Variants in CFAP44 observed in about 807,000 individuals in gnomAD.
CFAP44 encodes cilia and flagella associated protein 44.
In CFAP44, 134 loss-of-function variants were observed where a neutral mutation model predicts 216.2. The ratio of observed to expected loss-of-function variants is 0.62; its 90% CI spans 0.54 to 0.72. The LOEUF (loss-of-function observed/expected upper bound fraction) is 0.72, where lower values mean the gene tolerates loss of function less well. CFAP44 is among the 30% of genes least tolerant of loss of function. The pLI, the probability that CFAP44 is intolerant of heterozygous loss-of-function variation, is 0.00. For synonymous variants in CFAP44, 700 were observed against 727.6 expected (o/e 0.96, Z 0.61); for missense variants, 2,035 against 2,182.1 (o/e 0.93, Z 1.34).
chr3:113,333,327 G>T, intron 25 of CFAP44, 79 bp downstream of exon 25: 2 of 1,215,398 alleles, frequency 1.6e-6, no homozygotes, highest in Non-Finnish European at 2.3e-6. Flanking sequence ...GACCAGATAG[G>T]GAAATGAGTG....
At chr3:113,363,619 A>G in intron 19 of CFAP44, 87 bp from the exon 20 acceptor site, 1 of 1,223,866 alleles carries the variant, frequency 8.2e-7, no homozygotes, top group Non-Finnish European at 1.1e-6. Flanking sequence ...TTAAAAACTC[A>G]AATTGGTTCG....
chr3:113,436,637 A>G (rs1408793126), intron 1 of CFAP44, among the ~76,000 whole-genome samples: 1 of 152,232 alleles, frequency 6.6e-6, no homozygotes, highest in African/African-American at 2.4e-5. Flanking sequence ...TTTGATAAAA[A>G]TCAACATTTA....
chr3:113,427,413 C>A, intron 2 of CFAP44, 74 bp from the exon 3 acceptor site: 1 of 1,184,040 alleles, frequency 8.4e-7, no homozygotes, highest in Non-Finnish European at 1.2e-6. Flanking sequence ...CTAAAACTTC[C>A]AATTTCCTTG....
intron 31 of CFAP44, 99 bp downstream of exon 31, chr3:113,304,937 A>T: frequency 9.5e-7 from 1 of 1,051,184 alleles, no homozygotes; most frequent in South Asian, 1.6e-5. Context: ...ACAAAGAACC[A>T]CGATTCTCCC....
rs747176442 is a variant in CFAP44 at position 113,430,418 on chromosome 3, GAAAAATAAATGA to G, written c.101-3091_101-3080del. ...CCTAAAGTTCCACCTCAAGAAGCTG[GAAAAATAAATGA>G]AAAAAAAAAAAAAAACAAAGTAAAT... On this transcript the variant is annotated intron_variant, in intron 2 of 34. Coordinates refer to ENST00000393845, the MANE Select transcript of CFAP44 (RefSeq NM_001164496.2). Among the ~76,000 whole-genome samples, 22 of 42,160 alleles carry G rather than the reference GAAAAATAAATGA, an allele frequency of 5.2e-4. 1 individual carries two copies. Among genetic ancestry groups the G allele is most frequent in the East Asian group, 1.8e-3 (1 of 568 alleles). The allele number at this position is 42,160 out of a possible 152,430, so 27.7% of individuals were successfully genotyped here.
At chr3:113,429,299 T>C (rs1935041735) in intron 2 of CFAP44, among the ~76,000 whole-genome samples, 1 of 152,186 alleles carries the variant, frequency 6.6e-6, no homozygotes, top group Non-Finnish European at 1.5e-5. Flanking sequence ...TGTTACTAGG[T>C]GAATACACAT....
intron 15 of CFAP44, among the ~76,000 whole-genome samples, chr3:113,392,362 T>C (rs1281069401): frequency 6.9e-6 from 1 of 145,370 alleles, no homozygotes; most frequent in Non-Finnish European, 1.5e-5. Flanking sequence ...ACTGAACTCA[T>C]AGAGATGGCG....
intron 24 of CFAP44, 142 bp downstream of exon 24, chr3:113,341,602 A>T: frequency 5.9e-6 from 6 of 1,009,276 alleles, no homozygotes; most frequent in Non-Finnish European, 8.0e-6. Flanking sequence ...TGACCTGTTT[A>T]TAATATCTCC....
At chr3:113,296,221 A>G (rs1038409112) in intron 33 of CFAP44, among the ~76,000 whole-genome samples, 1 of 152,186 alleles carries the variant, frequency 6.6e-6, no homozygotes, top group Non-Finnish European at 1.5e-5. Flanking sequence ...TGCAAAGGAC[A>G]TGATATCATT....
intron 32 of CFAP44, among the ~76,000 whole-genome samples, chr3:113,302,772 CAAAAA>C (rs57355375): frequency 2.2e-5 from 1 of 44,514 alleles, no homozygotes; most frequent in Admixed American, 2.4e-4. Context: ...GACTCCATCT[CAAAAA>C]AAAAAAAAAA....
In CFAP44 at chr3:113,401,224, A is replaced by G. The variant is rs137871732; in HGVS notation, c.1374+16T>C. ...CTATGAAAGTTAGGAGAAAATAAGA[A>G]TAATAGGCAACTTACAATATTTGAA... On this transcript the variant is annotated intron_variant, in intron 11 of 34. Transcript: ENST00000393845. 17 of 1,577,274 alleles carry G rather than the reference A, an allele frequency of 1.1e-5. No individual in the cohort carries two copies. The highest frequency in any genetic ancestry group is 1.5e-5 in the Non-Finnish European group (17 of 1,166,438).
At position 113,427,147 on chromosome 3, in the gene CFAP44, A is replaced by C. The variant is rs753679774; in HGVS notation, c.253+40T>G. The C allele has an allele frequency of 9.4e-6, 15 of 1,591,062 alleles. No homozygotes were observed. In the African/African-American group the frequency reaches 1.5e-4, roughly 16 times the overall value. On this transcript the variant is annotated intron_variant, in intron 3 of 34. Transcript: ENST00000393845. The stretch of plus-strand genomic sequence containing the variant: ...TCCATTTGTCTGGGCTTTGTCTCTA[A>C]AACAGTGACAATTACTGACAGAAAA...
At chr3:113,333,247 A>T (rs994764113) in intron 25 of CFAP44, among the ~76,000 whole-genome samples, 159 bp downstream of exon 25, 4 of 152,134 alleles carry the variant, frequency 2.6e-5, no homozygotes, top group African/African-American at 9.7e-5. Flanking sequence ...TTATTTGTAA[A>T]AAGAGGACAT....
intron 5 of CFAP44, among the ~76,000 whole-genome samples, chr3:113,418,330 A>T (rs1934707335): frequency 6.6e-6 from 1 of 151,970 alleles, no homozygotes; most frequent in South Asian, 2.1e-4. Flanking sequence ...CAAGTGATCC[A>T]CCCACCTCAG....
At chr3:113,407,103 T>C in intron 7 of CFAP44, 62 bp from the exon 8 acceptor site, 1 of 1,220,016 alleles carries the variant, frequency 8.2e-7, no homozygotes. Context: ...TATTTTAATA[T>C]GACCCAAACA....
chr3:113,303,944 T>C lies in CFAP44; in HGVS notation c.5049A>G (p.Glu1683=). Residue 1683 remains glutamate (E), a synonymous_variant, in exon 32 of 35, where the codon GAA becomes GAG. Coordinates refer to ENST00000393845, the MANE Select transcript of CFAP44 (RefSeq NM_001164496.2). ...GTATGGTTTTTGTCATTTCTCTCTT[T>C]TCTCGGATGAGCTGTTTACGTCTCT... is the stretch of plus-strand genomic sequence containing the variant. ...WRERRKQLIR[E]KREMTKTIHK... 1 of 1,537,828 alleles carries C rather than the reference T, an allele frequency of 6.5e-7. No homozygotes were observed. Among genetic ancestry groups the C allele is most frequent in the Non-Finnish European group, 8.7e-7 (1 of 1,147,026 alleles).
At chr3:113,416,735 C>A in intron 5 of CFAP44, 108 bp from the exon 6 acceptor site, 1 of 770,508 alleles carries the variant, frequency 1.3e-6, no homozygotes, top group Admixed American at 3.3e-5. Context: ...TTAGGCTTTA[C>A]TCTAATAGAA....
intron 21 of CFAP44, chr3:113,360,957 A>G: frequency 4.0e-6 from 1 of 252,032 alleles, no homozygotes. Flanking sequence ...AATTTGTTTT[A>G]TCTGTGTATG....
In CFAP44 at chr3:113,430,429, G is replaced by GAAAA. The variant is rs754983161; in HGVS notation, c.101-3094_101-3091dup. Among the ~76,000 whole-genome samples the GAAAA allele has an allele frequency of 7.8e-3, 576 of 74,126 alleles. 3 individuals carry two copies. Among genetic ancestry groups the GAAAA allele is most frequent in the African/African-American group, 0.022 (530 of 23,800 alleles). 48.6% of individuals were successfully genotyped at this position (74,126 alleles called of 152,430 possible). A position where few individuals can be genotyped will look rare whatever the true frequency, so the allele number is the denominator to read the frequency against. Reference sequence around the variant, plus strand: ...ACCTCAAGAAGCTGGAAAAATAAATGAAAAAAAAAAAAAAAACAAAGTAAA... The same window carrying GAAAA: ...ACCTCAAGAAGCTGGAAAAATAAATGAAAAAAAAAAAAAAAAAAAACAAAGTAAA... On this transcript the variant is annotated intron_variant, in intron 2 of 34. Coordinates refer to ENST00000393845, the MANE Select transcript of CFAP44 (RefSeq NM_001164496.2).
Sources: gnomAD v4.1 joint callset for allele counts (sites outside exome capture counted in the v4.1 genomes callset) on GRCh38, gnomAD v4.1.1 for gene constraint, MANE v1.5 for transcripts, NCBI Gene and HGNC (gene_info 2026-07-23, HGNC 2026-07-21) for gene names.